Variants in BEND4 observed in about 807,000 individuals in gnomAD.
BEND4 encodes the protein BEN domain containing 4.
A neutral mutation model predicts 54.7 loss-of-function variants in BEND4; 27 were observed. The observed-to-expected ratio is 0.49, with a 90% CI of 0.36 to 0.68. The LOEUF (loss-of-function observed/expected upper bound fraction) is 0.68, where lower values mean the gene tolerates loss of function less well. BEND4 is among the 30% of genes least tolerant of loss of function. The probability of loss-of-function intolerance (pLI) is 0.00; values close to 1 mark genes in which losing one functional copy is unlikely to be tolerated. For missense variants in BEND4, 702 were observed against 697.2 expected (o/e 1.01, Z -0.08); for synonymous variants, 327 against 299.5 (o/e 1.09, Z -0.95).
chr4:42,122,477 G>A (rs1021111662), intron 4 of BEND4, among the ~76,000 whole-genome samples: 2 of 152,186 alleles, frequency 1.3e-5, no homozygotes, highest in African/African-American at 2.4e-5. Context: ...AGTAGAGCAC[G>A]GGCCTCTGTG....
intron 4 of BEND4, among the ~76,000 whole-genome samples, chr4:42,122,989 G>C (rs752844149): frequency 6.6e-6 from 1 of 152,178 alleles, no homozygotes; most frequent in South Asian, 2.1e-4. Context: ...TCCAGGAAAA[G>C]AGCTTTCTCA....
At position 42,115,845 on chromosome 4, in the gene BEND4, AT is replaced by A. The variant is rs1013980744; in HGVS notation, c.*1672del. 4 of 115,336 alleles carry A rather than the reference AT, an allele frequency of 3.5e-5. No individual in the cohort carries two copies. The highest frequency in any genetic ancestry group is 7.2e-5 in the Admixed American group (1 of 13,912). 7.1% of individuals were successfully genotyped at this position (115,336 alleles called of 1,614,324 possible). On this transcript the variant is annotated 3_prime_UTR_variant, in exon 6 of 6. Transcript: ENST00000502486. The stretch of plus-strand genomic sequence containing the variant: ...ATAGAATTGAATATTGGTTCTCCCT[AT>A]TCCATTGAATGATATGACAAATTTT...
At chr4:42,138,806 T>C (rs1720785796) in intron 3 of BEND4, among the ~76,000 whole-genome samples, 1 of 152,194 alleles carries the variant, frequency 6.6e-6, no homozygotes, top group Non-Finnish European at 1.5e-5. Flanking sequence ...ACTTTGGACT[T>C]TTCTTAGCAA....
rs1482298714 is a variant in BEND4 at position 42,116,433 on chromosome 4, C to G, written c.*1085G>C. The G allele has an allele frequency of 1.3e-5, 2 of 152,152 alleles. No individual in the cohort carries two copies. Among genetic ancestry groups the G allele is most frequent in the African/African-American group, 4.8e-5 (2 of 41,416 alleles). The allele number at this position is 152,152 out of a possible 1,614,324, so 9.4% of individuals were successfully genotyped here. On this transcript the variant is annotated 3_prime_UTR_variant, in exon 6 of 6. Coordinates refer to ENST00000502486, the MANE Select transcript of BEND4 (RefSeq NM_207406.4). ...CGGCACAGTGCTGACTTAGCCATAG[C>G]TAAGGGGTACATTGGGGTAAAGGAG... is the stretch of plus-strand genomic sequence containing the variant.
chr4:42,130,897 AG>A (rs1720483141), intron 3 of BEND4, among the ~76,000 whole-genome samples: 3 of 66,990 alleles, frequency 4.5e-5, no homozygotes, highest in Admixed American at 3.5e-4. Flanking sequence ...AAAGGAAACG[AG>A]AGATCATGGC....
At chr4:42,137,171 G>A (rs953494112) in intron 3 of BEND4, among the ~76,000 whole-genome samples, 4 of 152,164 alleles carry the variant, frequency 2.6e-5, no homozygotes, top group Non-Finnish European at 5.9e-5. Flanking sequence ...AAATAGGAAT[G>A]ATATTAATAT....
intron 2 of BEND4, among the ~76,000 whole-genome samples, chr4:42,147,543 A>G (rs972476370): frequency 6.7e-6 from 1 of 148,464 alleles, no homozygotes; most frequent in African/African-American, 2.5e-5. Flanking sequence ...GCAGGGAAAG[A>G]GAAAATCAAC....
intron 3 of BEND4, among the ~76,000 whole-genome samples, chr4:42,135,569 G>A (rs552504243): frequency 1.5e-4 from 23 of 152,084 alleles, no homozygotes; most frequent in Admixed American, 1.4e-3. Flanking sequence ...TCAGGAGATC[G>A]AGACCATCCT....
At chr4:42,142,895 G>T (rs1720938985) in intron 3 of BEND4, among the ~76,000 whole-genome samples, 1 of 152,136 alleles carries the variant, frequency 6.6e-6, no homozygotes, top group African/African-American at 2.4e-5. Flanking sequence ...CAAAGGAAAG[G>T]CAGGGAAAAT....
Position 42,113,819 on chromosome 4 carries a change from C to T in BEND4, c.*3699G>A, listed in dbSNP as rs1028142019. On this transcript the variant is annotated 3_prime_UTR_variant, in exon 6 of 6. Coordinates refer to ENST00000502486, the MANE Select transcript of BEND4 (RefSeq NM_207406.4). The stretch of plus-strand genomic sequence containing the variant: ...TAACTCTACAGCCGTGAAGTAGCTA[C>T]AAATATGTCTCGAATCCCCTACAAA... 6.6e-6 allele frequency: 1 copy of T among 152,160 alleles called. No homozygotes were observed. The highest frequency in any genetic ancestry group is 2.4e-5 in the African/African-American group (1 of 41,428). 9.4% of individuals were successfully genotyped at this position (152,160 alleles called of 1,614,324 possible).
At chr4:42,146,434 T>G (rs1342188250) in intron 2 of BEND4, among the ~76,000 whole-genome samples, 4 of 152,236 alleles carry the variant, frequency 2.6e-5, no homozygotes, top group Non-Finnish European at 5.9e-5. Context: ...ACTTTGTAAT[T>G]ATCTGATATA....
Position 42,141,757 on chromosome 4 carries a change from A to C in BEND4, c.1054+1671T>G, listed in dbSNP as rs554601571. Among the ~76,000 whole-genome samples the C allele has an allele frequency of 2.0e-5, 3 of 152,264 alleles. No homozygotes were observed. The South Asian group carries it at 6.2e-4, about 32-fold the overall frequency. ...CTCCGTCTCAATTAAAACAAACAAA[A>C]AAAAGGATATAACTTATATTTATGC... is the stretch of plus-strand genomic sequence containing the variant. On this transcript the variant is annotated intron_variant, in intron 3 of 5. Transcript: ENST00000502486.
intron 3 of BEND4, among the ~76,000 whole-genome samples, chr4:42,130,905 T>C (rs1163683962): frequency 6.6e-6 from 1 of 151,894 alleles, no homozygotes; most frequent in Non-Finnish European, 1.5e-5. Flanking sequence ...CGAGAGATCA[T>C]GGCCTTTGCA....
chr4:42,118,749 A>C (rs1258113531), intron 5 of BEND4, among the ~76,000 whole-genome samples: 1 of 152,134 alleles, frequency 6.6e-6, no homozygotes, highest in African/African-American at 2.4e-5. Flanking sequence ...GCACTCAGTC[A>C]AGCCCCCAAG....
At chr4:42,150,401 T>C (rs905659754) in intron 2 of BEND4, among the ~76,000 whole-genome samples, 14 of 152,228 alleles carry the variant, frequency 9.2e-5, no homozygotes, top group African/African-American at 3.4e-4. Flanking sequence ...AGATCAAGTC[T>C]TCACTATAAC....
chr4:42,144,948 T>C (rs1426167649), intron 2 of BEND4, among the ~76,000 whole-genome samples: 1 of 152,196 alleles, frequency 6.6e-6, no homozygotes, highest in East Asian at 1.9e-4. Flanking sequence ...TGGGCTATTA[T>C]AAATACAGAG....
At chr4:42,151,240 G>A (rs1199403166) in intron 2 of BEND4, 3 of 160,072 alleles carry the variant, frequency 1.9e-5, no homozygotes, top group East Asian at 1.7e-4. Flanking sequence ...GAGGAAGAAG[G>A]AGAAAGGGAA....
At chr4:42,140,630 C>T (rs1720848011) in intron 3 of BEND4, among the ~76,000 whole-genome samples, 1 of 152,204 alleles carries the variant, frequency 6.6e-6, no homozygotes, top group Non-Finnish European at 1.5e-5. Context: ...TGAGTTAACT[C>T]CTACCACAGG....
chr4:42,120,065 G>A lies in BEND4; in HGVS notation c.1376C>T (p.Thr459Ile), dbSNP rs1336769921. 1.2e-6 allele frequency: 2 copies of A among 1,614,012 alleles called. No individual in the cohort carries two copies. Among genetic ancestry groups the A allele is most frequent in the Non-Finnish European group, 8.5e-7 (1 of 1,179,884 alleles). The change falls in exon 5 of 6, where the codon ACA becomes ATA. Residue 459 changes from threonine (T) to isoleucine (I), a missense_variant. Transcript: ENST00000502486. ...GAAGGATGCAGTACCTCGGAGGCATGTTACTTTAACTGGATCCAGAGGGCG... is the reference window on the plus strand; with the variant it reads ...GAAGGATGCAGTACCTCGGAGGCATATTACTTTAACTGGATCCAGAGGGCG... ...ERRPLDPVKV[T>I]CLREFIRMHC...
Sources: gnomAD v4.1 joint callset for allele counts (sites outside exome capture counted in the v4.1 genomes callset) on GRCh38, gnomAD v4.1.1 for gene constraint, MANE v1.5 for transcripts, NCBI Gene and HGNC (gene_info 2026-07-23, HGNC 2026-07-21) for gene names.